The following RPH3AL variants were observed in gnomAD, a reference collection of about 807,000 sequenced individuals.
RPH3AL encodes the protein rabphilin 3A like (without C2 domains), also known as rab effector Noc2.
Under a neutral mutation model 43.1 loss-of-function variants are expected in RPH3AL, and 38 were observed. That is an observed-to-expected ratio of 0.88 (90% CI 0.68 to 1.15). RPH3AL has a LOEUF of 1.15. Ranked by LOEUF, RPH3AL falls within the 50% of genes most tolerant of loss-of-function variation. The pLI is 0.00. For missense variants in RPH3AL, 462 were observed against 423.2 expected (o/e 1.09, Z -0.81); for synonymous variants, 189 against 176.3 (o/e 1.07, Z -0.57).
intron 7 of RPH3AL, among the ~76,000 whole-genome samples, chr17:241,726 T>C (rs2041541285): frequency 6.6e-6 from 1 of 150,600 alleles, no homozygotes; most frequent in African/African-American, 2.4e-5. Context: ...TTTTTCTTTT[T>C]TTTTTTTTTT....
intron 5 of RPH3AL, among the ~76,000 whole-genome samples, chr17:292,033 A>C (rs2043058933): frequency 6.6e-6 from 1 of 152,226 alleles, no homozygotes; most frequent in Admixed American, 6.5e-5. Context: ...TCATTTTTTG[A>C]CCAGGTCTGG....
intron 1 of RPH3AL, among the ~76,000 whole-genome samples, chr17:346,292 C>T (rs982661670): frequency 1.5e-5 from 2 of 134,772 alleles, no homozygotes; most frequent in South Asian, 2.4e-4. Flanking sequence ...GGCCTTTTCC[C>T]GTCCCAGTTG....
rs1323020429 is a variant in RPH3AL at position 294,725 on chromosome 17, G to C, written c.352-12871C>G. Among the ~76,000 whole-genome samples the C allele has an allele frequency of 4.7e-5, 3 of 63,792 alleles. 1 individual carries two copies. Among genetic ancestry groups the C allele is most frequent in the Non-Finnish European group, 1.1e-4 (3 of 26,526 alleles). 41.9% of individuals were successfully genotyped at this position (63,792 alleles called of 152,430 possible). Reference sequence around the variant, plus strand: ...AGGGAATGCACATCAGTGTGGGAAGGACAGAAGAGCTGCAGAAATGGACGG... The same window carrying C: ...AGGGAATGCACATCAGTGTGGGAAGCACAGAAGAGCTGCAGAAATGGACGG... On this transcript the variant is annotated intron_variant, in intron 5 of 9. Coordinates refer to ENST00000331302, the MANE Select transcript of RPH3AL (RefSeq NM_006987.4).
Position 310,966 on chromosome 17 carries a change from C to T in RPH3AL, c.351+8454G>A, listed in dbSNP as rs569983385. 2.0e-5 allele frequency among the ~76,000 whole-genome samples: 3 copies of T among 152,256 alleles called. No individual in the cohort carries two copies. In the South Asian group the frequency reaches 6.2e-4, roughly 32 times the overall value. On this transcript the variant is annotated intron_variant, in intron 5 of 9. Transcript: ENST00000331302. Reference sequence around the variant, plus strand: ...GCGATCATCTCCCTGGAGTCCCAGGCCCTCCACACCTGCCCATTCACTGCT... The same window carrying T: ...GCGATCATCTCCCTGGAGTCCCAGGTCCTCCACACCTGCCCATTCACTGCT...
intron 7 of RPH3AL, among the ~76,000 whole-genome samples, chr17:227,781 C>A (rs2041139435): frequency 6.6e-6 from 1 of 152,106 alleles, no homozygotes; most frequent in Non-Finnish European, 1.5e-5. Context: ...CTCCCAAAGC[C>A]CCCAGAAATT....
At chr17:350,488 G>A (rs2045331694) in intron 1 of RPH3AL, among the ~76,000 whole-genome samples, 2 of 152,164 alleles carry the variant, frequency 1.3e-5, no homozygotes, top group African/African-American at 4.8e-5. Context: ...GTGCATGCCT[G>A]TAATCCCAGC....
At chr17:235,944 CAGATCCAGGGTTCAAAGCTG>C (rs2041380344) in intron 7 of RPH3AL, among the ~76,000 whole-genome samples, 2 of 117,540 alleles carry the variant, frequency 1.7e-5, no homozygotes, top group East Asian at 2.3e-4. Context: ...ACTAACAAGA[CAGATCCAGGGTTCAAAGCTG>C]GGGTCGGCCA....
Position 290,487 on chromosome 17 carries a change from G to A in RPH3AL, c.352-8633C>T, listed in dbSNP as rs181357858. 4.3e-3 allele frequency among the ~76,000 whole-genome samples: 651 copies of A among 152,228 alleles called. 1 individual carries two copies. In the Middle Eastern group the frequency reaches 0.044, roughly 10 times the overall value. On this transcript the variant is annotated intron_variant, in intron 5 of 9. Transcript: ENST00000331302. This position sits in a 1 kb window ranked among gnomAD's most constrained non-coding sequence, Gnocchi z 4.2. ...CGCGGCCGCCTATGTGTGCAGACCC[G>A]TCCCAAGGCCTGATCAGGCACCTTC...
intron 4 of RPH3AL, among the ~76,000 whole-genome samples, chr17:320,313 G>A (rs1258717328): frequency 6.6e-6 from 1 of 152,098 alleles, no homozygotes; most frequent in Non-Finnish European, 1.5e-5. Context: ...GCTGAAGAAT[G>A]AGCCATGCCA....
intron 1 of RPH3AL, among the ~76,000 whole-genome samples, chr17:342,447 A>G (rs2151731101): frequency 1.3e-5 from 2 of 152,378 alleles, no homozygotes; most frequent in East Asian, 3.8e-4. Context: ...CAAAGGGGGA[A>G]ACAACTCAAA....
Position 248,939 on chromosome 17 carries a change from G to A in RPH3AL, c.439-1654C>T, listed in dbSNP as rs558558551. ...CTCGAGGCTCCAGGGCGAAGCAACCGAGGCTGAGGGAGAGCCAGGCTGGAC... is the reference window on the plus strand; with the variant it reads ...CTCGAGGCTCCAGGGCGAAGCAACCAAGGCTGAGGGAGAGCCAGGCTGGAC... On this transcript the variant is annotated intron_variant, in intron 6 of 9. Coordinates refer to ENST00000331302, the MANE Select transcript of RPH3AL (RefSeq NM_006987.4). 2.0e-4 allele frequency among the ~76,000 whole-genome samples: 31 copies of A among 152,246 alleles called. 1 individual carries two copies. In the East Asian group the frequency reaches 5.6e-3, roughly 28 times the overall value.
At position 213,674 on chromosome 17, in the gene RPH3AL, C is replaced by A; in HGVS notation, c.*178G>T. 9.5e-6 allele frequency: 6 copies of A among 633,958 alleles called. No homozygotes were observed. Among genetic ancestry groups the A allele is most frequent in the Non-Finnish European group, 1.7e-5 (6 of 351,430 alleles). 39.3% of individuals were successfully genotyped at this position (633,958 alleles called of 1,614,324 possible). A position where few individuals can be genotyped will look rare whatever the true frequency, so the allele number is the denominator to read the frequency against. The stretch of plus-strand genomic sequence containing the variant: ...GGGGTGGCGGATGCAGACAGCTCCC[C>A]AGGAGAGAAGGGGTGCAGAAAGGCA... On this transcript the variant is annotated 3_prime_UTR_variant, in exon 10 of 10. Transcript: ENST00000331302.
intron 5 of RPH3AL, among the ~76,000 whole-genome samples, chr17:314,693 T>C (rs71283548): frequency 0.048 from 5,305 of 111,446 alleles, 198 homozygotes; most frequent in African/African-American, 0.063. Flanking sequence ...TCCACCTCCA[T>C]TGACCTGTAG....
chr17:291,043 T>G (rs1428977470), intron 5 of RPH3AL, among the ~76,000 whole-genome samples: 3 of 152,208 alleles, frequency 2.0e-5, no homozygotes, highest in African/African-American at 7.2e-5. Flanking sequence ...CCCTCAAACG[T>G]TGCGTACAAG....
intron 6 of RPH3AL, 76 bp downstream of exon 6, chr17:281,692 T>C (rs1230865578): frequency 5.6e-5 from 24 of 428,616 alleles, no homozygotes; most frequent in Middle Eastern, 7.8e-4. Context: ...ACCGTCACCC[T>C]GACCGTCCAC....
intron 5 of RPH3AL, among the ~76,000 whole-genome samples, chr17:309,428 G>A (rs2043579117): frequency 6.6e-6 from 1 of 150,508 alleles, no homozygotes; most frequent in Non-Finnish European, 1.5e-5. Flanking sequence ...CCAGCCCCCT[G>A]CTGGGGGTCC....
chr17:250,266 G>A (rs1237363060), intron 6 of RPH3AL, among the ~76,000 whole-genome samples: 14 of 113,176 alleles, frequency 1.2e-4, no homozygotes, highest in South Asian at 2.9e-4. Context: ...CCGTCGCTGC[G>A]GGACCTCTCA....
Position 232,337 on chromosome 17 carries a change from C to G in RPH3AL, c.614-12601G>C, listed in dbSNP as rs1263115745. Among the ~76,000 whole-genome samples the G allele has an allele frequency of 2.0e-5, 3 of 152,232 alleles. No homozygotes were observed. The South Asian group carries it at 6.2e-4, about 31-fold the overall frequency. On this transcript the variant is annotated intron_variant, in intron 7 of 9. Transcript: ENST00000331302. Reference sequence around the variant, plus strand: ...CACGAAATAACGGAGACGCACAGCGCCCAGGACAGCCTGCAATGAGCACCC... The same window carrying G: ...CACGAAATAACGGAGACGCACAGCGGCCAGGACAGCCTGCAATGAGCACCC...
Position 215,762 on chromosome 17 carries a change from C to T in RPH3AL, c.768G>A (p.Pro256=), listed in dbSNP as rs963262392. 64 of 1,305,186 alleles carry T rather than the reference C, an allele frequency of 4.9e-5. No homozygotes were observed. The highest frequency in any genetic ancestry group is 1.1e-4 in the South Asian group (4 of 37,240). 80.9% of individuals were successfully genotyped at this position (1,305,186 alleles called of 1,614,324 possible). The change falls in exon 9 of 10, where the codon CCG becomes CCA. Residue 256 remains proline, a synonymous_variant. Transcript: ENST00000331302. This position sits in a 1 kb window ranked among gnomAD's most constrained non-coding sequence, Gnocchi z 4.1. ...TCTGGCACCCAGAGAGGTGGCCCGG[C>T]GGGTGGGTGAACCCCATCCTGGGGG... ...VEAPRMGFTH[P]PGHLSGCQSS...
Sources: allele counts gnomAD v4.1 joint callset (sites outside exome capture counted in the v4.1 genomes callset), GRCh38; gene constraint gnomAD v4.1.1; non-coding constraint Gnocchi (gnomAD v3.1); transcripts MANE v1.5; gene names NCBI Gene and HGNC (gene_info 2026-07-23, HGNC 2026-07-21).